The following ARHGAP44 variants were observed in gnomAD, a reference collection of about 807,000 sequenced individuals.
ARHGAP44 encodes rho GTPase-activating protein 44.
A neutral mutation model predicts 106.8 loss-of-function variants in ARHGAP44; 43 were observed. That is an observed-to-expected ratio of 0.40 (90% confidence interval 0.32 to 0.52). The LOEUF (loss-of-function observed/expected upper bound fraction) is 0.52. ARHGAP44 is among the 20% of genes least tolerant of loss of function. The pLI is 0.48. For missense variants in ARHGAP44, 866 were observed against 1,050.5 expected (o/e 0.82, Z 2.43); for synonymous variants, 439 against 410.3 (o/e 1.07, Z -0.85).
chr17:12,809,062 TATG>T (rs1180183001), intron 1 of ARHGAP44, among the ~76,000 whole-genome samples: 2 of 152,228 alleles, frequency 1.3e-5, no homozygotes, highest in Non-Finnish European at 2.9e-5. Context: ...GGCAAAATGC[TATG>T]AGTCTCTTTG....
rs542615535 is a variant in ARHGAP44 at position 12,868,944 on chromosome 17, C to T, written c.54-25996C>T. Among the ~76,000 whole-genome samples, 37 of 151,622 alleles carry T rather than the reference C, an allele frequency of 2.4e-4. No homozygotes were observed. The South Asian group carries it at 2.7e-3, about 11-fold the overall frequency. On this transcript the variant is annotated intron_variant, in intron 1 of 20. Transcript: ENST00000379672. Reference sequence around the variant, plus strand: ...GGCTGGGATTACAGGTGTGAGCCACCGCGCCCAACATATATATATATTAAA... The same window carrying T: ...GGCTGGGATTACAGGTGTGAGCCACTGCGCCCAACATATATATATATTAAA...
At chr17:12,802,904 A>G (rs903739289) in intron 1 of ARHGAP44, among the ~76,000 whole-genome samples, 1 of 126,592 alleles carries the variant, frequency 7.9e-6, no homozygotes, top group Non-Finnish European at 1.6e-5. Context: ...GACTACTGGC[A>G]TGTACCACCA....
In ARHGAP44 at chr17:12,789,725, A is replaced by T. The variant is rs1336103393; in HGVS notation, c.-114A>T. ...GCCAGACGGCGCCCGGAGGCTCCGCAGTGCCGCCGCCGTCGCCCGGGAGGC... is the reference window on the plus strand; with the variant it reads ...GCCAGACGGCGCCCGGAGGCTCCGCTGTGCCGCCGCCGTCGCCCGGGAGGC... On this transcript the variant is annotated 5_prime_UTR_variant, in exon 1 of 21. Transcript: ENST00000379672. 9.1e-6 allele frequency: 9 copies of T among 984,222 alleles called. No individual in the cohort carries two copies. The highest frequency in any genetic ancestry group is 3.4e-4 in the Middle Eastern group (1 of 2,974). 61.0% of individuals were successfully genotyped at this position (984,222 alleles called of 1,614,324 possible).
intron 7 of ARHGAP44, among the ~76,000 whole-genome samples, chr17:12,933,974 G>A (rs541830968): frequency 4.0e-5 from 6 of 151,210 alleles, no homozygotes; most frequent in South Asian, 2.1e-4. Context: ...TCAGCCTCCC[G>A]AGTAGCTGGG....
At chr17:12,798,998 A>G (rs1384441629) in intron 1 of ARHGAP44, among the ~76,000 whole-genome samples, 1 of 152,130 alleles carries the variant, frequency 6.6e-6, no homozygotes, top group Non-Finnish European at 1.5e-5. Flanking sequence ...TGAGTATATC[A>G]TTGTATTTCT....
chr17:12,950,985 G>A (rs1187559250), intron 12 of ARHGAP44, among the ~76,000 whole-genome samples: 2 of 152,278 alleles, frequency 1.3e-5, no homozygotes, highest in Non-Finnish European at 2.9e-5. Context: ...ACCTGGAAGG[G>A]AAGCCAGGCT....
intron 1 of ARHGAP44, among the ~76,000 whole-genome samples, chr17:12,840,131 G>T (rs962872915): frequency 6.6e-6 from 1 of 152,020 alleles, no homozygotes; most frequent in African/African-American, 2.4e-5. Context: ...TTTCAGCAGA[G>T]ATTTTTTTTT....
At chr17:12,937,655 T>C (rs190059092) in intron 7 of ARHGAP44, among the ~76,000 whole-genome samples, 155 of 152,328 alleles carry the variant, frequency 1.0e-3, no homozygotes, top group Non-Finnish European at 1.6e-3. Flanking sequence ...GCTTTTTACC[T>C]GTTAGTACTG....
chr17:12,829,439 T>C (rs1266035537), intron 1 of ARHGAP44, among the ~76,000 whole-genome samples: 1 of 152,160 alleles, frequency 6.6e-6, no homozygotes, highest in Non-Finnish European at 1.5e-5. Context: ...TTTCACTCTT[T>C]TGACCCTTGG....
chr17:12,861,164 T>C (rs2036060887), intron 1 of ARHGAP44, among the ~76,000 whole-genome samples: 1 of 152,068 alleles, frequency 6.6e-6, no homozygotes, highest in Admixed American at 6.5e-5. Flanking sequence ...CTAATTTTTG[T>C]ATGTTTATAG....
chr17:12,801,355 C>A (rs1195315737), intron 1 of ARHGAP44, among the ~76,000 whole-genome samples: 3 of 152,256 alleles, frequency 2.0e-5, no homozygotes, highest in Non-Finnish European at 4.4e-5. Flanking sequence ...CCTGTTTTAT[C>A]CTCCCAACAA....
At chr17:12,851,876 G>A (rs2035753669) in intron 1 of ARHGAP44, among the ~76,000 whole-genome samples, 3 of 152,014 alleles carry the variant, frequency 2.0e-5, no homozygotes, top group African/African-American at 7.2e-5. Flanking sequence ...CATCTGAGTC[G>A]AAAGGAGGCC....
In ARHGAP44 at chr17:12,974,911, G is replaced by A. The variant is rs192661669; in HGVS notation, c.1763+601G>A. On this transcript the variant is annotated intron_variant, in intron 18 of 20. Coordinates refer to ENST00000379672, the MANE Select transcript of ARHGAP44 (RefSeq NM_014859.6). ...GTCGCCCAGGCTGGAGTGCAGAGGC[G>A]CGATCTCGACTCACTGCAACCTCCG... Among the ~76,000 whole-genome samples the A allele has an allele frequency of 2.9e-4, 44 of 150,140 alleles. 1 individual carries two copies. The highest frequency in any genetic ancestry group is 2.5e-3 in the South Asian group (12 of 4,756).
At chr17:12,867,626 A>G (rs922867913) in intron 1 of ARHGAP44, among the ~76,000 whole-genome samples, 1 of 152,198 alleles carries the variant, frequency 6.6e-6, no homozygotes, top group African/African-American at 2.4e-5. Context: ...TACCCAGAAC[A>G]TTAGGCTGGC....
intron 1 of ARHGAP44, among the ~76,000 whole-genome samples, chr17:12,811,608 G>A (rs1386963397): frequency 2.6e-5 from 4 of 152,168 alleles, no homozygotes; most frequent in African/African-American, 4.8e-5. Context: ...CTGTATATAC[G>A]TCTGAAATGG....
intron 1 of ARHGAP44, among the ~76,000 whole-genome samples, chr17:12,799,190 C>T (rs1292572275): frequency 1.3e-5 from 2 of 152,186 alleles, no homozygotes; most frequent in Non-Finnish European, 2.9e-5. Context: ...TCCTTTCCTC[C>T]TGATTTCCCT....
Position 12,913,172 on chromosome 17 carries a change from CAGAAG to C in ARHGAP44, c.276-2726_276-2722del, listed in dbSNP as rs143368513. Among the ~76,000 whole-genome samples the C allele has an allele frequency of 3.9e-3, 589 of 151,964 alleles. 20 individuals are homozygous for C. The East Asian group carries it at 0.072, about 19-fold the overall frequency. On this transcript the variant is annotated intron_variant, in intron 4 of 20. Transcript: ENST00000379672. Reference sequence around the variant, plus strand: ...GTAATATTTTTATTTTAATATATAACAGAAGAAAAAAATTAGCACACAAAACTCAT... The same window carrying C: ...GTAATATTTTTATTTTAATATATAACAAAAAAATTAGCACACAAAACTCAT...
intron 1 of ARHGAP44, among the ~76,000 whole-genome samples, chr17:12,804,594 A>G (rs771904022): frequency 2.6e-5 from 4 of 152,236 alleles, no homozygotes; most frequent in Non-Finnish European, 5.9e-5. Flanking sequence ...TGGGATACCC[A>G]TTCTTCAAAC....
chr17:12,804,384 T>G (rs757785116), intron 1 of ARHGAP44, among the ~76,000 whole-genome samples: 9 of 152,182 alleles, frequency 5.9e-5, no homozygotes, highest in Non-Finnish European at 8.8e-5. Context: ...CTGGCTTAGA[T>G]CCATCAAGAC....
Sources: allele counts gnomAD v4.1 joint callset (sites outside exome capture counted in the v4.1 genomes callset), GRCh38; gene constraint gnomAD v4.1.1; transcripts MANE v1.5; gene names NCBI Gene and HGNC (gene_info 2026-07-23, HGNC 2026-07-21).